KLHL8: variants seen among roughly 807,000 people sequenced by gnomAD.
The protein encoded by KLHL8 is kelch like family member 8.
A neutral mutation model predicts 63.5 loss-of-function variants in KLHL8; 38 were observed. The observed-to-expected ratio is 0.60, with a 90% CI of 0.46 to 0.78. The LOEUF is 0.78. Among genes scored for constraint, KLHL8 ranks in the 30% least tolerant of loss-of-function variants. The pLI is 0.00. For synonymous variants in KLHL8, 224 were observed against 254.3 expected (o/e 0.88, Z 1.13); for missense variants, 566 against 752.4 (o/e 0.75, Z 2.90).
intron 1 of KLHL8, among the ~76,000 whole-genome samples, chr4:87,214,211 CTTTTT>C (rs11336481): frequency 1.4e-5 from 2 of 141,822 alleles, no homozygotes; most frequent in African/African-American, 5.1e-5. Context: ...CCTAAGTCAT[CTTTTT>C]TTTTTTAATG....
intron 1 of KLHL8, among the ~76,000 whole-genome samples, chr4:87,215,762 TAA>T (rs1401331054): frequency 6.6e-6 from 1 of 152,152 alleles, no homozygotes; most frequent in African/African-American, 2.4e-5. Flanking sequence ...AAAAAGCAAA[TAA>T]GTTTTAAATG....
At chr4:87,212,408 A>T (rs1717069754) in intron 1 of KLHL8, among the ~76,000 whole-genome samples, 1 of 152,020 alleles carries the variant, frequency 6.6e-6, no homozygotes, top group African/African-American at 2.4e-5. Context: ...AGTGAGAGCC[A>T]GTCTCGACAA....
At position 87,185,665 on chromosome 4, in the gene KLHL8, T is replaced by C. The variant is rs1419166058; in HGVS notation, c.351A>G (p.Ala117=). 1.2e-6 allele frequency: 2 copies of C among 1,614,110 alleles called. No homozygotes were observed. Among genetic ancestry groups the C allele is most frequent in the African/African-American group, 2.7e-5 (2 of 74,952 alleles). Residue 117 remains alanine (A), a synonymous_variant, in exon 3 of 10, where the codon GCA becomes GCG. Coordinates refer to ENST00000273963, the MANE Select transcript of KLHL8 (RefSeq NM_020803.5). ...AGACAAACTTTACCAAGTCTTCTAT[T>C]GCATCACCATCAAAATCTCTAATCT... The part of the protein sequence containing the change: ...LIEIRDFDGD[A]IEDLVKFVYS...
At chr4:87,175,265 A>C (rs1267538089) in intron 6 of KLHL8, among the ~76,000 whole-genome samples, 1 of 152,232 alleles carries the variant, frequency 6.6e-6, no homozygotes, top group Non-Finnish European at 1.5e-5. Context: ...CAATACATCT[A>C]TAGATACGGA....
chr4:87,195,338 C>T lies in KLHL8; in HGVS notation c.202G>A (p.Asp68Asn). The part of the protein sequence containing the change: ...LRFYENGELC[D>N]VTLKVGSKLI... ...GGCAATCTCACCTTGAGTGTGACATCACAGAGTTCTCCATTTTCATAAAAT... is the reference window on the plus strand; with the variant it reads ...GGCAATCTCACCTTGAGTGTGACATTACAGAGTTCTCCATTTTCATAAAAT... The change falls in exon 2 of 10, where the codon GAT (aspartate) becomes AAT (asparagine). Residue 68 changes from aspartate to asparagine, a missense_variant. Asp to Asn is a conservative substitution (Grantham distance 23). Transcript: ENST00000273963. The T allele has an allele frequency of 6.2e-7, 1 of 1,611,888 alleles. No individual in the cohort carries two copies. Among genetic ancestry groups the T allele is most frequent in the East Asian group, 2.2e-5 (1 of 44,812 alleles).
chr4:87,216,774 T>C (rs7664479), intron 1 of KLHL8, among the ~76,000 whole-genome samples: 3,613 of 152,324 alleles, frequency 0.024, 70 homozygotes, highest in Middle Eastern at 0.037. Context: ...AGTATCTATA[T>C]AGCAATATCC....
intron 1 of KLHL8, among the ~76,000 whole-genome samples, chr4:87,200,138 C>CAA (rs61605160): frequency 3.3e-3 from 245 of 73,566 alleles, no homozygotes; most frequent in African/African-American, 4.3e-3. Flanking sequence ...GAGACTGCCT[C>CAA]AAAAAAAAAA....
At chr4:87,197,952 G>GTAAATAAATAAA (rs35183985) in intron 1 of KLHL8, among the ~76,000 whole-genome samples, 134 of 139,756 alleles carry the variant, frequency 9.6e-4, no homozygotes, top group African/African-American at 1.4e-3. Context: ...ACAGACAATA[G>GTAAATAAATAAA]TAAATAAATA....
intron 1 of KLHL8, among the ~76,000 whole-genome samples, chr4:87,239,228 T>C (rs1733287165): frequency 6.6e-6 from 1 of 152,230 alleles, no homozygotes; most frequent in Non-Finnish European, 1.5e-5. Flanking sequence ...CTCTAGCGTT[T>C]CTTTAAAAGC....
At chr4:87,165,132 A>T (rs752037388) in intron 8 of KLHL8, among the ~76,000 whole-genome samples, 3 of 143,966 alleles carry the variant, frequency 2.1e-5, no homozygotes, top group East Asian at 2.1e-4. Flanking sequence ...CCTGGGCGAC[A>T]GAGCAAGACT....
Position 87,178,576 on chromosome 4 carries a change from A to C in KLHL8, c.997T>G (p.Phe333Val). The C allele has an allele frequency of 6.2e-7, 1 of 1,608,838 alleles. No homozygotes were observed. Among genetic ancestry groups the C allele is most frequent in the Non-Finnish European group, 8.5e-7 (1 of 1,178,726 alleles). ...ATAGAATAGCATTCAATACTGCGAAAGGGGTCACCAGATCCACCTCGACCA... is the reference window on the plus strand; with the variant it reads ...ATAGAATAGCATTCAATACTGCGAACGGGGTCACCAGATCCACCTCGACCA... ...VGGRGGSGDP[F>V]RSIECYSINK... The change falls in exon 5 of 10, where the codon TTT becomes GTT. Residue 333 changes from phenylalanine to valine, a missense_variant. By Grantham distance (50) the Phe-to-Val change is conservative. Transcript: ENST00000273963.
At chr4:87,170,043 T>C (rs757630442) in intron 8 of KLHL8, 36 bp downstream of exon 8, 3 of 1,534,200 alleles carry the variant, frequency 2.0e-6, no homozygotes, top group East Asian at 2.2e-5. Context: ...TGTCATTGTA[T>C]ATACTGATAT....
At chr4:87,214,377 T>C (rs563754803) in intron 1 of KLHL8, among the ~76,000 whole-genome samples, 5 of 136,012 alleles carry the variant, frequency 3.7e-5, no homozygotes, top group Admixed American at 1.6e-4. Context: ...ATAGGATTGC[T>C]ATAAAACTTA....
At chr4:87,164,349 C>T (rs1196953954) in intron 8 of KLHL8, among the ~76,000 whole-genome samples, 1 of 151,728 alleles carries the variant, frequency 6.6e-6, no homozygotes. Context: ...GTCCCTGTAT[C>T]TAAGCAGATA....
chr4:87,226,987 A>ATATATAAATAATATATAT (rs1733035830), intron 1 of KLHL8, among the ~76,000 whole-genome samples: 1 of 52,066 alleles, frequency 1.9e-5, no homozygotes. Flanking sequence ...ATAATATATA[A>ATATATAAATAATATATAT]TATATAAATA....
At chr4:87,239,043 T>G (rs1053961740) in intron 1 of KLHL8, among the ~76,000 whole-genome samples, 49 of 152,202 alleles carry the variant, frequency 3.2e-4, no homozygotes, top group African/African-American at 1.1e-3. Flanking sequence ...AAATGCAGAT[T>G]CCCCAGAGCT....
At chr4:87,166,484 A>G (rs1179187911) in intron 8 of KLHL8, among the ~76,000 whole-genome samples, 1 of 152,218 alleles carries the variant, frequency 6.6e-6, no homozygotes, top group Non-Finnish European at 1.5e-5. Flanking sequence ...GGGGAACTAC[A>G]AAGTGCCGGA....
intron 8 of KLHL8, chr4:87,167,057 C>T (rs1730430722): frequency 3.2e-6 from 1 of 314,712 alleles, no homozygotes; most frequent in South Asian, 3.6e-5. Flanking sequence ...CTACTCAAGA[C>T]TCATGGCCTG....
At chr4:87,199,841 C>CA (rs1402832354) in intron 1 of KLHL8, among the ~76,000 whole-genome samples, 2 of 151,172 alleles carry the variant, frequency 1.3e-5, no homozygotes, top group South Asian at 2.1e-4. Flanking sequence ...CAAAACAAAA[C>CA]AAACAAACAA....
Sources: gnomAD v4.1 joint callset for allele counts (sites outside exome capture counted in the v4.1 genomes callset) on GRCh38, gnomAD v4.1.1 for gene constraint, MANE v1.5 for transcripts, NCBI Gene and HGNC (gene_info 2026-07-23, HGNC 2026-07-21) for gene names.